Variants in NCAPD2 observed in about 807,000 individuals in gnomAD.
NCAPD2 encodes condensin complex subunit 1.
A neutral mutation model predicts 164.5 loss-of-function variants in NCAPD2; 100 were observed. The observed-to-expected ratio is 0.61, with a 90% confidence interval of 0.52 to 0.72. NCAPD2 has a LOEUF of 0.72. NCAPD2 is among the 30% of genes least tolerant of loss of function. The pLI, the probability that NCAPD2 is intolerant of heterozygous loss-of-function variation, is 0.00. For synonymous variants in NCAPD2, 585 were observed against 642.6 expected (o/e 0.91, Z 1.36); for missense variants, 1,560 against 1,749.2 (o/e 0.89, Z 1.93).
Position 6,529,931 on chromosome 12 carries a change from G to C in NCAPD2, c.3810G>C (p.Leu1270=), listed in dbSNP as rs368935958. ...FSAFLSVVGK[L]RRGAKPEGKA... is the part of the protein sequence containing the mutation. ...CTTTTTTGTCAGTTGTAGGCAAGCT[G>C]CGACGTGGGGCCAAGCCTGAGGGCA... Residue 1270 remains leucine (L), a synonymous_variant, in exon 29 of 32, where the codon CTG becomes CTC. Transcript: ENST00000315579. 1.9e-6 allele frequency: 3 copies of C among 1,613,894 alleles called. No homozygotes were observed. The highest frequency in any genetic ancestry group is 1.1e-5 in the South Asian group (1 of 91,064).
Position 6,521,069 on chromosome 12 carries a change from A to T in NCAPD2, c.1673A>T (p.Glu558Val). 6 of 1,614,218 alleles carry T rather than the reference A, an allele frequency of 3.7e-6. No homozygotes were observed. Among genetic ancestry groups the T allele is most frequent in the Non-Finnish European group, 5.1e-6 (6 of 1,180,010 alleles). ...PFSHIDPEES[E>V]ETRLLNILGL... is the part of the protein sequence containing the mutation. ...AGTCATATAGACCCAGAGGAGTCAGAGGAGACCAGGCTCTTGAATATCTTA... is the reference window on the plus strand; with the variant it reads ...AGTCATATAGACCCAGAGGAGTCAGTGGAGACCAGGCTCTTGAATATCTTA... The change falls in exon 14 of 32, where the codon GAG becomes GTG. Residue 558 changes from glutamate (E) to valine (V), a missense_variant. By Grantham distance (121) the Glu-to-Val change is moderately radical (BLOSUM62 -2). Transcript: ENST00000315579.
intron 27 of NCAPD2, 63 bp downstream of exon 27, chr12:6,529,102 C>T: frequency 7.0e-7 from 1 of 1,438,324 alleles, no homozygotes; most frequent in South Asian, 1.2e-5. Flanking sequence ...ATCAGACACA[C>T]CTGTATTTGA....
rs779587095 is a variant in NCAPD2 at position 6,521,099 on chromosome 12, T to C, written c.1703T>C (p.Leu568Pro). The C allele has an allele frequency of 2.5e-6, 4 of 1,613,712 alleles. No homozygotes were observed. Among genetic ancestry groups the C allele is most frequent in the Non-Finnish European group, 2.5e-6 (3 of 1,179,792 alleles). ...ACCAGGCTCTTGAATATCTTAGGAC[T>C]TATCTTCAAAGGTAATCATTTTCCT... ...EETRLLNILG[L>P]IFKGPAASTQ... Residue 568 changes from leucine to proline, a missense_variant, in exon 14 of 32, where the codon CTT becomes CCT. Coordinates refer to ENST00000315579, the MANE Select transcript of NCAPD2 (RefSeq NM_014865.4).
rs571221550 is a variant in NCAPD2, at chr12:6,494,235, A to G, written c.-24+81A>G. Reference sequence around the variant, plus strand: ...GTGACCCAGTCTTGGGCAAAATACAATAGGCCTAGTAAGTATATCCCTGGG... The same window carrying G: ...GTGACCCAGTCTTGGGCAAAATACAGTAGGCCTAGTAAGTATATCCCTGGG... On this transcript the variant is annotated intron_variant, in intron 1 of 31. Transcript: ENST00000315579. 9.8e-5 allele frequency: 15 copies of G among 152,352 alleles called. No homozygotes were observed. The South Asian group carries it at 2.5e-3, about 25-fold the overall frequency. The allele number at this position is 152,352 out of a possible 1,614,324, so 9.4% of individuals were successfully genotyped here.
intron 2 of NCAPD2, among the ~76,000 whole-genome samples, chr12:6,503,413 A>G (rs563285565): frequency 1.3e-5 from 2 of 152,234 alleles, no homozygotes; most frequent in African/African-American, 4.8e-5. Context: ...GCATTGTCAC[A>G]GGGCAGAAGG....
Position 6,514,540 on chromosome 12 carries a change from A to G in NCAPD2, c.792A>G (p.Leu264=), listed in dbSNP as rs151070251. 8.1e-6 allele frequency: 13 copies of G among 1,614,190 alleles called. No homozygotes were observed. The highest frequency in any genetic ancestry group is 1.7e-5 in the Admixed American group (1 of 60,028). The change falls in exon 8 of 32, where the codon CTA becomes CTG. Residue 264 remains leucine (L), a synonymous_variant. Transcript: ENST00000315579. ...CTGTACTGGTTGCAGCCGTGAGTCT[A>G]TGGGCAACTGACTATGGAATGAAGA... ...LAPVLVAAVS[L]WATDYGMKSI... is the part of the protein sequence containing the mutation.
intron 15 of NCAPD2, 119 bp downstream of exon 15, chr12:6,522,156 A>G (rs1316470659): frequency 2.5e-5 from 28 of 1,135,422 alleles, no homozygotes; most frequent in Non-Finnish European, 2.8e-5. Context: ...CTGGTCTCCA[A>G]CTCCTGGGCT....
rs756767693 is a variant in NCAPD2, at chr12:6,511,148, C to A, written c.483C>A (p.Asp161Glu). The A allele has an allele frequency of 6.2e-7, 1 of 1,614,098 alleles. No individual in the cohort carries two copies. Among genetic ancestry groups the A allele is most frequent in the South Asian group, 1.1e-5 (1 of 91,086 alleles). Residue 161 changes from aspartate to glutamate, a missense_variant, in exon 6 of 32, where the codon GAC (aspartate) becomes GAA (glutamate). By Grantham distance (45) the Asp-to-Glu change is conservative. Coordinates refer to ENST00000315579, the MANE Select transcript of NCAPD2 (RefSeq NM_014865.4). ...KARTKAAHGF[D>E]WEEERQPILQ... ...GGACCAAGGCAGCCCATGGCTTTGA[C>A]TGGGAAGAAGAGAGGCAACCAATTC...
chr12:6,511,552 C>T (rs181548131), intron 6 of NCAPD2, among the ~76,000 whole-genome samples: 1 of 151,600 alleles, frequency 6.6e-6, no homozygotes, highest in African/African-American at 2.4e-5. Context: ...TGGTCTTGAA[C>T]TCCTAACCTC....
chr12:6,529,010 G>A lies in NCAPD2; in HGVS notation c.3543G>A (p.Val1181=). 6.2e-7 allele frequency: 1 copy of A among 1,613,056 alleles called. No individual in the cohort carries two copies. Among genetic ancestry groups the A allele is most frequent in the Non-Finnish European group, 8.5e-7 (1 of 1,179,994 alleles). The change falls in exon 27 of 32, where the codon GTG becomes GTA. Residue 1181 remains valine (V), a synonymous_variant. Transcript: ENST00000315579. ...GCCTGTCAGACCCCGAGCTGGGGGT[G>A]GAGGAAGAGCCTTTCCACACCATCA... The part of the protein sequence containing the change: ...ISRLSDPELG[V]EEEPFHTIMK...
intron 10 of NCAPD2, 128 bp from the exon 11 acceptor site, chr12:6,517,237 A>T: frequency 7.1e-7 from 1 of 1,402,858 alleles, no homozygotes; most frequent in Non-Finnish European, 9.6e-7. Flanking sequence ...AGTACTCCTA[A>T]TCTATATTCT....
In NCAPD2 at chr12:6,530,581, G is replaced by T; in HGVS notation, c.3838-110G>T. 2.2e-6 allele frequency: 3 copies of T among 1,393,288 alleles called. No homozygotes were observed. The African/African-American group carries it at 4.3e-5, about 20-fold the overall frequency. 86.3% of individuals were successfully genotyped at this position (1,393,288 alleles called of 1,614,324 possible). A position where few individuals can be genotyped will look rare whatever the true frequency, so the allele number is the denominator to read the frequency against. On this transcript the variant is annotated intron_variant, in intron 29 of 31. Transcript: ENST00000315579. ...TCCGGTATGGAGCCTTCTCACCTTGGCTTCTTAGTAATGTGCGTTTAAGGC... is the reference window on the plus strand; with the variant it reads ...TCCGGTATGGAGCCTTCTCACCTTGTCTTCTTAGTAATGTGCGTTTAAGGC...
chr12:6,511,991 AATAG>A lies in NCAPD2; in HGVS notation c.587+744_587+747del, dbSNP rs571230954. On this transcript the variant is annotated intron_variant, in intron 6 of 31. Coordinates refer to ENST00000315579, the MANE Select transcript of NCAPD2 (RefSeq NM_014865.4). ...AAGAGCAAAATCCCGTCTCAAAAAA[AATAG>A]ATAGGGCCAGGCGCGGTGGCTCACG... 2.9e-4 allele frequency among the ~76,000 whole-genome samples: 41 copies of A among 142,220 alleles called. 1 individual carries two copies. Among genetic ancestry groups the A allele is most frequent in the Admixed American group, 2.2e-3 (31 of 14,062 alleles). 93.3% of individuals were successfully genotyped at this position (142,220 alleles called of 152,430 possible).
chr12:6,519,031 G>A (rs538511107), intron 13 of NCAPD2, among the ~76,000 whole-genome samples: 101 of 148,462 alleles, frequency 6.8e-4, no homozygotes, highest in African/African-American at 2.5e-3. Context: ...GACTACAGGC[G>A]CCCGCCACCA....
chr12:6,494,937 C>T, intron 1 of NCAPD2, 139 bp from the exon 2 acceptor site: 2 of 776,290 alleles, frequency 2.6e-6, no homozygotes, highest in South Asian at 1.9e-5. Context: ...GGGTGGGGAA[C>T]TAACAAAACC....
At chr12:6,520,397 T>TACACCCACAGGCACACACCATC in intron 13 of NCAPD2, among the ~76,000 whole-genome samples, 1 of 104,310 alleles carries the variant, frequency 9.6e-6, no homozygotes, top group Non-Finnish European at 2.3e-5. Flanking sequence ...CACACACCAT[T>TACACCCACAGGCACACACCATC]ACACCCACAG....
At chr12:6,518,737 T>A (rs1337361019) in intron 13 of NCAPD2, among the ~76,000 whole-genome samples, 1 of 151,584 alleles carries the variant, frequency 6.6e-6, no homozygotes, top group Non-Finnish European at 1.5e-5. Context: ...GCCAGGCTGG[T>A]CTTGAACTCC....
At chr12:6,511,328 G>GTTTTT in intron 6 of NCAPD2, 76 bp downstream of exon 6, 6 of 1,502,392 alleles carry the variant, frequency 4.0e-6, no homozygotes, top group East Asian at 2.3e-5. Context: ...CCGTTTTTTT[G>GTTTTT]GTTTTGTTTT....
rs1207709979 is a variant in NCAPD2 at position 6,504,200 on chromosome 12, T to TAC, written c.128-5516_128-5515insCA. Among the ~76,000 whole-genome samples the TAC allele has an allele frequency of 9.3e-3, 206 of 22,198 alleles. 1 individual carries two copies. The highest frequency in any genetic ancestry group is 0.068 in the African/African-American group (192 of 2,814). 14.6% of individuals were successfully genotyped at this position (22,198 alleles called of 152,430 possible). On this transcript the variant is annotated intron_variant, in intron 2 of 31. Coordinates refer to ENST00000315579, the MANE Select transcript of NCAPD2 (RefSeq NM_014865.4). Reference sequence around the variant, plus strand: ...ATATATACATATATATATATATATATATATATATATATATATAGATATAGA... The same window carrying TAC: ...ATATATACATATATATATATATATATACATATATATATATATATAGATATAGA...
Sources: gnomAD v4.1 joint callset for allele counts (sites outside exome capture counted in the v4.1 genomes callset) on GRCh38, gnomAD v4.1.1 for gene constraint, MANE v1.5 for transcripts, NCBI Gene and HGNC (gene_info 2026-07-23, HGNC 2026-07-21) for gene names.